The following TERT variants were observed in gnomAD, a reference collection of about 807,000 sequenced individuals.
The protein encoded by TERT is telomerase reverse transcriptase, also known as telomerase catalytic subunit.
Under a neutral mutation model 104.0 loss-of-function variants are expected in TERT, and 42 were observed. That is an observed-to-expected ratio of 0.40 (90% CI 0.32 to 0.52). TERT has a LOEUF of 0.52. Among genes scored for constraint, TERT ranks in the 20% least tolerant of loss-of-function variants. TERT has a pLI of 0.43. For synonymous variants in TERT, 781 were observed against 725.6 expected, an observed-to-expected ratio of 1.08 and a Z score of -1.23; for missense variants, 1,101 against 1,610.3, an observed-to-expected ratio of 0.68 and a Z score of 5.41.
At chr5:1,282,809 C>G in intron 2 of TERT, 185 bp from the exon 3 acceptor site, 2 of 669,292 alleles carry the variant, frequency 3.0e-6, no homozygotes, top group South Asian at 3.2e-5. Context: ...CCTGGACCTG[C>G]ACCATTCGGA....
chr5:1,293,746 G>A lies in TERT; in HGVS notation c.1140C>T (p.Pro380=), dbSNP rs2126685772. 6.4e-7 allele frequency: 1 copy of A among 1,563,842 alleles called. No individual in the cohort carries two copies. The highest frequency in any genetic ancestry group is 8.7e-7 in the Non-Finnish European group (1 of 1,154,440). ...PWMPGTPRRL[P]RLPQRYWQMR... ...TTTGCCAGTAGCGCTGGGGCAGGCG[G>A]GGCAACCTGCGGGGAGTCCCTGGCA... is the stretch of plus-strand genomic sequence containing the variant. Residue 380 remains proline, a synonymous_variant, in exon 2 of 16, where the codon CCC becomes CCT. Coordinates refer to ENST00000310581, the MANE Select transcript of TERT (RefSeq NM_198253.3).
At chr5:1,259,133 T>C (rs879540953) in intron 12 of TERT, among the ~76,000 whole-genome samples, 187 of 83,358 alleles carry the variant, frequency 2.2e-3, no homozygotes, top group African/African-American at 3.1e-3. Context: ...AGGGAGTGGA[T>C]GCAGATGCCC....
rs1579597164 is a variant in TERT, at chr5:1,293,913, A to C, written c.973T>G (p.Tyr325Asp). Residue 325 changes from tyrosine (Y) to aspartate (D), a missense_variant, in exon 2 of 16, where the codon TAC (tyrosine) becomes GAC (aspartate). By Grantham distance (160) the Tyr-to-Asp change is radical (BLOSUM62 -3). Coordinates refer to ENST00000310581, the MANE Select transcript of TERT (RefSeq NM_198253.3). Reference protein sequence around the residue: ...RPWDTPCPPVYAETKHFLYSS... With the variant: ...RPWDTPCPPVDAETKHFLYSS... ...TAGAGGAAGTGCTTGGTCTCGGCGT[A>C]CACCGGGGGACAAGGCGTGTCCCAG... 3.2e-6 allele frequency: 5 copies of C among 1,542,024 alleles called. No homozygotes were observed. The highest frequency in any genetic ancestry group is 4.4e-6 in the Non-Finnish European group (5 of 1,147,138).
At chr5:1,254,920 G>A (rs538089725) in intron 14 of TERT, among the ~76,000 whole-genome samples, 19 of 152,288 alleles carry the variant, frequency 1.2e-4, no homozygotes, top group Admixed American at 1.0e-3. Context: ...CCTTGGCCTG[G>A]GTTTGCACAA....
In TERT at chr5:1,265,334, T is replaced by C. The variant is rs1177880162; in HGVS notation, c.2655-742A>G. 6.6e-6 allele frequency among the ~76,000 whole-genome samples: 1 copy of C among 152,128 alleles called. No individual in the cohort carries two copies. Among genetic ancestry groups the C allele is most frequent in the Non-Finnish European group, 1.5e-5 (1 of 68,020 alleles). ...CAGCTGCGCAGCTCCCCTGGTGCAT[T>C]CCCAGCTCCCTGTGGCCACCCCTTC... On this transcript the variant is annotated intron_variant, in intron 10 of 15. Transcript: ENST00000310581. The surrounding 1 kb of genome is among the most constrained non-coding windows in gnomAD (Gnocchi z 6.9).
At position 1,292,075 on chromosome 5, in the gene TERT, C is replaced by A. The variant is rs1405585077; in HGVS notation, c.1573+1238G>T. Among the ~76,000 whole-genome samples, 1 of 152,060 alleles carries A rather than the reference C, an allele frequency of 6.6e-6. No homozygotes were observed. The highest frequency in any genetic ancestry group is 1.5e-5 in the Non-Finnish European group (1 of 68,024). ...GCAATTCTGCACTGTACACAGAAAACGGTGTTAGGAGTGCCAATCTCATGT... is the reference window on the plus strand; with the variant it reads ...GCAATTCTGCACTGTACACAGAAAAAGGTGTTAGGAGTGCCAATCTCATGT... On this transcript the variant is annotated intron_variant, in intron 2 of 15. Coordinates refer to ENST00000310581, the MANE Select transcript of TERT (RefSeq NM_198253.3). The surrounding 1 kb of genome is among the most constrained non-coding windows in gnomAD (Gnocchi z 5.5).
At chr5:1,266,430 G>C in intron 10 of TERT, 34 bp downstream of exon 10, 2 of 1,581,490 alleles carry the variant, frequency 1.3e-6, no homozygotes, top group Non-Finnish European at 1.7e-6. Context: ...CACAGGCTGT[G>C]GAGGTCCCCA....
chr5:1,289,364 G>C (rs1263343627), intron 2 of TERT, among the ~76,000 whole-genome samples: 1 of 140,356 alleles, frequency 7.1e-6, no homozygotes, highest in African/African-American at 2.7e-5. Flanking sequence ...CACGTGACAG[G>C]GACACCCGGG....
At chr5:1,254,105 G>A (rs1212528752) in intron 15 of TERT, among the ~76,000 whole-genome samples, 1 of 152,208 alleles carries the variant, frequency 6.6e-6, no homozygotes, top group Non-Finnish European at 1.5e-5. Flanking sequence ...ACAGGTCAGG[G>A]GTCAGAAGGC....
chr5:1,294,040 G>A lies in TERT; in HGVS notation c.846C>T (p.Ala282=), dbSNP rs764061395. 3 of 1,600,746 alleles carry A rather than the reference G, an allele frequency of 1.9e-6. No homozygotes were observed. Among genetic ancestry groups the A allele is most frequent in the African/African-American group, 1.3e-5 (1 of 74,588 alleles). The part of the protein sequence containing the change: ...VVSPARPAEE[A]TSLEGALSGT... The stretch of plus-strand genomic sequence containing the variant: ...CAGAGAGCGCACCCTCCAAAGAGGT[G>A]GCTTCTTCGGCGGGTCTGGCAGGTG... The change falls in exon 2 of 16, where the codon GCC becomes GCT. Residue 282 remains alanine (A), a synonymous_variant. Coordinates refer to ENST00000310581, the MANE Select transcript of TERT (RefSeq NM_198253.3).
chr5:1,253,873 G>T (rs1230049164), intron 15 of TERT, 42 bp from the exon 16 acceptor site: 8 of 1,574,940 alleles, frequency 5.1e-6, no homozygotes, highest in Non-Finnish European at 6.9e-6. Flanking sequence ...AGAGGCCAGA[G>T]GTGGCATCCT....
chr5:1,276,408 C>G (rs1356772174), intron 6 of TERT, among the ~76,000 whole-genome samples: 1 of 145,046 alleles, frequency 6.9e-6, no homozygotes, highest in Non-Finnish European at 1.5e-5. Flanking sequence ...AAACCAATCC[C>G]ACAGATCCCC....
Position 1,253,654 on chromosome 5 carries a change from C to G in TERT, c.*74G>C. ...GGGCCTGGGTGTGGGCCGCCCCTCC[C>G]TCCCTGGGACGTAGAGCCCGGCGTG... is the stretch of plus-strand genomic sequence containing the variant. On this transcript the variant is annotated 3_prime_UTR_variant, in exon 16 of 16. Transcript: ENST00000310581. 1 of 1,356,130 alleles carries G rather than the reference C, an allele frequency of 7.4e-7. No individual in the cohort carries two copies. Among genetic ancestry groups the G allele is most frequent in the Non-Finnish European group, 1.0e-6 (1 of 967,544 alleles). 84.0% of individuals were successfully genotyped at this position (1,356,130 alleles called of 1,614,324 possible).
intron 11 of TERT, 95 bp from the exon 12 acceptor site, chr5:1,260,695 C>G: frequency 1.3e-6 from 2 of 1,564,848 alleles, no homozygotes; most frequent in African/African-American, 2.7e-5. Context: ...GCCTTCCTCC[C>G]GCTTCCTTGT....
chr5:1,280,906 C>T (rs1451064726), intron 3 of TERT, among the ~76,000 whole-genome samples: 2 of 152,238 alleles, frequency 1.3e-5, no homozygotes, highest in Non-Finnish European at 2.9e-5. Flanking sequence ...CTGGAGCGGC[C>T]ACACCTGGAC....
chr5:1,265,916 C>T lies in TERT; in HGVS notation c.2654+548G>A, dbSNP rs1579557476. 6.6e-6 allele frequency among the ~76,000 whole-genome samples: 1 copy of T among 152,310 alleles called. No homozygotes were observed. The stretch of plus-strand genomic sequence containing the variant: ...TGATTTTAGTTTGATTCACAAAAAT[C>T]AACTCTGAAACCCACTCCTAGCCAT... On this transcript the variant is annotated intron_variant, in intron 10 of 15. Transcript: ENST00000310581. The surrounding 1 kb of genome is among the most constrained non-coding windows in gnomAD (Gnocchi z 6.9).
At chr5:1,283,872 G>A (rs1355101702) in intron 2 of TERT, among the ~76,000 whole-genome samples, 13 of 124,348 alleles carry the variant, frequency 1.0e-4, no homozygotes, top group Admixed American at 2.6e-4. Context: ...CGGGGACACC[G>A]CACATCCAGC....
Position 1,253,596 on chromosome 5 carries a change from ACACT to A in TERT, c.*128_*131del. 1.3e-6 allele frequency: 1 copy of A among 763,520 alleles called. No homozygotes were observed. Among genetic ancestry groups the A allele is most frequent in the Non-Finnish European group, 2.2e-6 (1 of 452,406 alleles). The allele number at this position is 763,520 out of a possible 1,614,324, so 47.3% of individuals were successfully genotyped here. ...AGCCGGACATGCAGGCCTCGGCCAA[ACACT>A]CACTCAGGCCTCAGACTCCCAGCGG... On this transcript the variant is annotated 3_prime_UTR_variant, in exon 16 of 16. Transcript: ENST00000310581.
rs951607024 is a variant in TERT, at chr5:1,256,895, C to A, written c.3033-1484G>T. ...AGCCCGTGTGGAGGCGCGGCCAGCA[C>A]GGGCCAGGAAGGCCGAGCCCCAGCG... On this transcript the variant is annotated intron_variant, in intron 13 of 15. Coordinates refer to ENST00000310581, the MANE Select transcript of TERT (RefSeq NM_198253.3). The surrounding 1 kb of genome is among the most constrained non-coding windows in gnomAD (Gnocchi z 7.0). Among the ~76,000 whole-genome samples the A allele has an allele frequency of 3.9e-5, 6 of 152,134 alleles. No homozygotes were observed. Among genetic ancestry groups the A allele is most frequent in the Non-Finnish European group, 7.4e-5 (5 of 68,016 alleles).
Sources: allele counts gnomAD v4.1 joint callset (sites outside exome capture counted in the v4.1 genomes callset), GRCh38; gene constraint gnomAD v4.1.1; non-coding constraint Gnocchi (gnomAD v3.1); transcripts MANE v1.5; gene names NCBI Gene and HGNC (gene_info 2026-07-23, HGNC 2026-07-21).